Variants in KLF12 observed in about 807,000 individuals in gnomAD.
The protein encoded by KLF12 is Krueppel-like factor 12.
KLF12 carries 9 observed loss-of-function variants against 37.8 expected under a neutral mutation model. The ratio of observed to expected loss-of-function variants is 0.24; its 90% CI spans 0.14 to 0.42. The LOEUF (loss-of-function observed/expected upper bound fraction) is 0.42, where lower values mean the gene tolerates loss of function less well. KLF12 is among the 10% of genes least tolerant of loss of function. The pLI, the probability that KLF12 is intolerant of heterozygous loss-of-function variation, is 1.00. For synonymous variants in KLF12, 208 were observed against 202.1 expected, an observed-to-expected ratio of 1.03 and a Z score of -0.25; for missense variants, 411 against 516.0, an observed-to-expected ratio of 0.80 and a Z score of 1.97.
At chr13:73,716,935 C>CT (rs1182253750) in intron 6 of KLF12, among the ~76,000 whole-genome samples, 3 of 151,986 alleles carry the variant, frequency 2.0e-5, no homozygotes, top group African/African-American at 2.4e-5. Flanking sequence ...ACTGGCATAA[C>CT]TTTTTTTATT....
intron 6 of KLF12, among the ~76,000 whole-genome samples, chr13:73,758,083 CAG>C (rs1211140065): frequency 6.6e-6 from 1 of 151,684 alleles, no homozygotes. Context: ...TTTTTAGAGA[CAG>C]GGGTTGGTCT....
chr13:73,797,515 AT>A (rs924666737), intron 5 of KLF12, among the ~76,000 whole-genome samples: 2 of 152,178 alleles, frequency 1.3e-5, no homozygotes, highest in African/African-American at 4.8e-5. Context: ...CACGCCTATA[AT>A]CCCAGCATTT....
At chr13:74,091,456 T>C (rs765527849) in intron 1 of KLF12, among the ~76,000 whole-genome samples, 2 of 152,222 alleles carry the variant, frequency 1.3e-5, no homozygotes, top group Non-Finnish European at 2.9e-5. Context: ...TGGGCTTCTT[T>C]CACTCAGTGA....
chr13:74,045,684 T>C (rs1370849864), intron 1 of KLF12, among the ~76,000 whole-genome samples: 1 of 151,516 alleles, frequency 6.6e-6, no homozygotes, highest in Non-Finnish European at 1.5e-5. Context: ...GGAGTTTGCA[T>C]GTTCTCCCAC....
At chr13:74,037,117 T>A (rs1893267521) in intron 1 of KLF12, among the ~76,000 whole-genome samples, 1 of 149,266 alleles carries the variant, frequency 6.7e-6, no homozygotes, top group Non-Finnish European at 1.5e-5. Flanking sequence ...GGCAGAGAAC[T>A]GCTTGAACCT....
At chr13:73,817,343 G>GAAAAACAAAAAAAAAAAAAAAAAAA (rs1883287350) in intron 4 of KLF12, among the ~76,000 whole-genome samples, 1 of 132,344 alleles carries the variant, frequency 7.6e-6, no homozygotes. Flanking sequence ...AGAAAAAAAA[G>GAAAAACAAAAAAAAAAAAAAAAAAA]AAAAACAAAA....
chr13:74,249,563 C>T, the KLF12 span, among the ~76,000 whole-genome samples: 1 of 152,050 alleles, frequency 6.6e-6, no homozygotes, highest in Non-Finnish European at 1.5e-5. Flanking sequence ...AGCATCAACA[C>T]AGTATGTGAG....
chr13:74,070,035 A>G (rs1874138782), intron 1 of KLF12, among the ~76,000 whole-genome samples: 1 of 152,158 alleles, frequency 6.6e-6, no homozygotes, highest in African/African-American at 2.4e-5. Flanking sequence ...AGGACTCATT[A>G]CTCTATGGGT....
intron 3 of KLF12, among the ~76,000 whole-genome samples, chr13:73,851,457 G>C (rs2138726344): frequency 1.3e-5 from 2 of 152,216 alleles, no homozygotes; most frequent in Middle Eastern, 6.8e-3. Context: ...TTCTAGCTGA[G>C]TTAGATTGGC....
chr13:73,859,905 A>G (rs1885825948), intron 3 of KLF12, among the ~76,000 whole-genome samples: 1 of 151,228 alleles, frequency 6.6e-6, no homozygotes, highest in Admixed American at 6.6e-5. Flanking sequence ...CACAAATGTA[A>G]TTTCTTTTCT....
intron 7 of KLF12, among the ~76,000 whole-genome samples, chr13:73,705,875 C>T (rs1462497803): frequency 2.6e-5 from 4 of 152,042 alleles, no homozygotes; most frequent in Admixed American, 1.3e-4. Flanking sequence ...CCATGGCGGC[C>T]GGGTGCAGTG....
At chr13:74,028,071 T>A (rs1893023724) in intron 1 of KLF12, among the ~76,000 whole-genome samples, 1 of 152,188 alleles carries the variant, frequency 6.6e-6, no homozygotes, top group Non-Finnish European at 1.5e-5. Flanking sequence ...AGGAAGAACC[T>A]TATTTATAGG....
the KLF12 span, among the ~76,000 whole-genome samples, chr13:74,264,431 C>T: frequency 6.6e-6 from 1 of 152,050 alleles, no homozygotes; most frequent in Non-Finnish European, 1.5e-5. Context: ...ATTACTTATC[C>T]CCTCTTCAGC....
chr13:73,944,742 CTA>C (rs2139372698), intron 2 of KLF12, among the ~76,000 whole-genome samples: 1 of 148,520 alleles, frequency 6.7e-6, no homozygotes. Flanking sequence ...AAAATCTTAT[CTA>C]TATTGTAGCT....
At chr13:73,711,215 GT>G (rs1875373600) in intron 7 of KLF12, among the ~76,000 whole-genome samples, 1 of 152,234 alleles carries the variant, frequency 6.6e-6, no homozygotes, top group South Asian at 2.1e-4. Flanking sequence ...AGTGCAAGTT[GT>G]AGCAGCAAGT....
At chr13:74,215,759 G>A in the KLF12 span, among the ~76,000 whole-genome samples, 1 of 152,188 alleles carries the variant, frequency 6.6e-6, no homozygotes, top group Non-Finnish European at 1.5e-5. Context: ...CCTCCTCCCA[G>A]AAGACTATAT....
intron 1 of KLF12, among the ~76,000 whole-genome samples, chr13:74,104,843 C>T (rs1452586057): frequency 6.6e-6 from 1 of 152,128 alleles, no homozygotes; most frequent in Non-Finnish European, 1.5e-5. Context: ...CATAGGCTCT[C>T]ATACTTGAAA....
At chr13:74,065,343 C>T (rs1263959230) in intron 1 of KLF12, among the ~76,000 whole-genome samples, 1 of 152,034 alleles carries the variant, frequency 6.6e-6, no homozygotes, top group Non-Finnish European at 1.5e-5. Context: ...ATTCAAAACA[C>T]ATATATTTTA....
chr13:73,711,845 C>A (rs912894689), intron 7 of KLF12, among the ~76,000 whole-genome samples: 1 of 152,082 alleles, frequency 6.6e-6, no homozygotes, highest in African/African-American at 2.4e-5. Context: ...TGAATCCAGG[C>A]AAATTAAATT....
Sources: allele counts gnomAD v4.1 joint callset (sites outside exome capture counted in the v4.1 genomes callset), GRCh38; gene constraint gnomAD v4.1.1; transcripts MANE v1.5; gene names NCBI Gene and HGNC (gene_info 2026-07-23, HGNC 2026-07-21).